Variants in TLE1 observed in about 807,000 individuals in gnomAD.
TLE1 encodes the protein TLE family member 1, transcriptional corepressor.
TLE1 carries 21 observed loss-of-function variants against 89.8 expected under a neutral mutation model. That is an observed-to-expected ratio of 0.23 (90% CI 0.17 to 0.34). The LOEUF is 0.34. Ranked by LOEUF, TLE1 falls within the 10% of genes least tolerant of loss-of-function variation. The pLI, the probability that TLE1 is intolerant of heterozygous loss-of-function variation, is 1.00. For synonymous variants in TLE1, 447 were observed against 407.6 expected (o/e 1.10, Z -1.16); for missense variants, 795 against 1,031.2 (o/e 0.77, Z 3.14).
chr9:81,615,035 T>C (rs554359646), intron 11 of TLE1, among the ~76,000 whole-genome samples: 89 of 120,206 alleles, frequency 7.4e-4, no homozygotes, highest in African/African-American at 2.5e-3. Flanking sequence ...TAAGCCAAGA[T>C]TGCACCACTG....
At chr9:81,660,581 T>G (rs921867866) in intron 4 of TLE1, among the ~76,000 whole-genome samples, 2 of 138,626 alleles carry the variant, frequency 1.4e-5, no homozygotes, top group Admixed American at 1.4e-4. Context: ...ACCCGGCTAA[T>G]TTTTTTTTGT....
In TLE1 at chr9:81,661,595, G is replaced by A. The variant is rs142153989; in HGVS notation, c.235-7559C>T. 1.7e-4 allele frequency among the ~76,000 whole-genome samples: 26 copies of A among 152,170 alleles called. No homozygotes were observed. The East Asian group carries it at 1.9e-3, about 11-fold the overall frequency. On this transcript the variant is annotated intron_variant, in intron 4 of 19. Coordinates refer to ENST00000376499, the MANE Select transcript of TLE1 (RefSeq NM_005077.5). The stretch of plus-strand genomic sequence containing the variant: ...ATCTTCTGGTTTCTTTGAACCAAGC[G>A]GGAAGCCAAGATAAAAACACAGTGG...
At chr9:81,654,145 GT>G in intron 4 of TLE1, 109 bp from the exon 5 acceptor site, 2 of 1,000,684 alleles carry the variant, frequency 2.0e-6, no homozygotes. Flanking sequence ...CTCTGGAAAT[GT>G]GTATAAAATG....
intron 4 of TLE1, among the ~76,000 whole-genome samples, chr9:81,664,007 C>T (rs1449602795): frequency 2.0e-5 from 3 of 152,136 alleles, no homozygotes; most frequent in African/African-American, 7.2e-5. Flanking sequence ...CTTTAATATT[C>T]TCCTTCACAG....
At chr9:81,614,503 C>T (rs1824157858) in intron 11 of TLE1, among the ~76,000 whole-genome samples, 1 of 152,106 alleles carries the variant, frequency 6.6e-6, no homozygotes, top group Admixed American at 6.5e-5. Context: ...CTTTACAACA[C>T]AGTCCAAGAA....
intron 17 of TLE1, 106 bp downstream of exon 17, chr9:81,587,575 T>C (rs1177425738): frequency 9.3e-6 from 13 of 1,395,194 alleles, no homozygotes; most frequent in African/African-American, 8.7e-5. Context: ...CCTGATCTGT[T>C]TGTCCAGCCA....
At chr9:81,655,762 A>G (rs970733565) in intron 4 of TLE1, among the ~76,000 whole-genome samples, 1 of 151,830 alleles carries the variant, frequency 6.6e-6, no homozygotes, top group African/African-American at 2.4e-5. Context: ...AAAAAGACAA[A>G]GTAGAAATCC....
intron 4 of TLE1, among the ~76,000 whole-genome samples, chr9:81,675,369 C>G (rs1359992526): frequency 2.6e-5 from 4 of 152,226 alleles, no homozygotes; most frequent in African/African-American, 9.6e-5. Context: ...ACTAAGAAAT[C>G]TGGTGACAAG....
chr9:81,585,707 A>C lies in TLE1; in HGVS notation c.1978-52T>G, dbSNP rs1374693956. 1.9e-5 allele frequency: 31 copies of C among 1,594,740 alleles called. No homozygotes were observed. The Admixed American group carries it at 5.3e-4, about 27-fold the overall frequency. On this transcript the variant is annotated intron_variant, in intron 17 of 19. Transcript: ENST00000376499. ...ATTATTCCGCCTGATACACTTAGGA[A>C]GGGAAGACGCAATGTGAAAAGTGGG... is the stretch of plus-strand genomic sequence containing the variant.
chr9:81,624,588 A>G (rs965897218), intron 8 of TLE1, among the ~76,000 whole-genome samples: 9 of 152,330 alleles, frequency 5.9e-5, no homozygotes, highest in South Asian at 2.1e-4. Context: ...CATGAGAACC[A>G]GTGTTACTAT....
intron 8 of TLE1, among the ~76,000 whole-genome samples, chr9:81,631,077 TAA>T (rs1189906076): frequency 5.3e-5 from 8 of 152,176 alleles, no homozygotes; most frequent in Admixed American, 4.6e-4. Flanking sequence ...AAATTTGATA[TAA>T]AAAAGATACA....
intron 14 of TLE1, among the ~76,000 whole-genome samples, chr9:81,595,575 C>A (rs1587887766): frequency 6.6e-6 from 1 of 152,060 alleles, no homozygotes; most frequent in Non-Finnish European, 1.5e-5. Flanking sequence ...TCCCAGCACT[C>A]TGGGAGGCCA....
In TLE1 at chr9:81,618,708, AAG is replaced by A. The variant is rs1355020459; in HGVS notation, c.711+1731_711+1732del. Reference sequence around the variant, plus strand: ...GTGGTGGTGAAAAAATATAAACTAAAAGAGTTTCTCTTCTAAAAAGAAAATTA... The same window carrying A: ...GTGGTGGTGAAAAAATATAAACTAAAAGTTTCTCTTCTAAAAAGAAAATTA... On this transcript the variant is annotated intron_variant, in intron 9 of 19. Transcript: ENST00000376499. Among the ~76,000 whole-genome samples, 6 of 152,328 alleles carry A rather than the reference AAG, an allele frequency of 3.9e-5. No homozygotes were observed. The East Asian group carries it at 7.7e-4, about 20-fold the overall frequency.
intron 14 of TLE1, among the ~76,000 whole-genome samples, chr9:81,608,631 C>G (rs1823284299): frequency 6.6e-6 from 1 of 152,012 alleles, no homozygotes; most frequent in Admixed American, 6.6e-5. Flanking sequence ...CATGTAGCAC[C>G]AGTACCTTTA....
At chr9:81,670,104 T>C (rs375446667) in intron 4 of TLE1, among the ~76,000 whole-genome samples, 1 of 152,222 alleles carries the variant, frequency 6.6e-6, no homozygotes, top group African/African-American at 2.4e-5. Context: ...ATCTTATCTT[T>C]CTATTGCTCT....
intron 1 of TLE1, among the ~76,000 whole-genome samples, chr9:81,687,858 G>A (rs1383144513): frequency 6.6e-6 from 1 of 152,016 alleles, no homozygotes; most frequent in Non-Finnish European, 1.5e-5. Context: ...CAGACGCACC[G>A]GAACCGGGGC....
chr9:81,687,408 G>A lies in TLE1; in HGVS notation c.51C>T (p.Pro17=), dbSNP rs141524882. ...GGGACTCCGGGATAGTGAACTTGAAGGGCTGGCCTGCAGCCTGGTGCGGCG... is the reference window on the plus strand; with the variant it reads ...GGGACTCCGGGATAGTGAACTTGAAAGGCTGGCCTGCAGCCTGGTGCGGCG... ...HPTPHQAAGQ[P]FKFTIPESLD... Residue 17 remains proline (P), a synonymous_variant, in exon 2 of 20, where the codon CCC becomes CCT. Transcript: ENST00000376499. 20 of 1,611,246 alleles carry A rather than the reference G, an allele frequency of 1.2e-5. No individual in the cohort carries two copies. The African/African-American group carries it at 1.7e-4, about 14-fold the overall frequency.
chr9:81,612,321 G>A (rs1823825044), intron 12 of TLE1: 7 of 1,031,440 alleles, frequency 6.8e-6, no homozygotes, highest in Admixed American at 5.7e-5. Context: ...AGATTTTCTC[G>A]ATAAAATCCA....
chr9:81,639,085 T>C (rs1827765719), intron 6 of TLE1, among the ~76,000 whole-genome samples: 2 of 151,098 alleles, frequency 1.3e-5, no homozygotes, highest in South Asian at 4.2e-4. Flanking sequence ...TGTGCACCAC[T>C]ACACTTGGCT....
Sources: gnomAD v4.1 joint callset for allele counts (sites outside exome capture counted in the v4.1 genomes callset) on GRCh38, gnomAD v4.1.1 for gene constraint, MANE v1.5 for transcripts, NCBI Gene and HGNC (gene_info 2026-07-23, HGNC 2026-07-21) for gene names.